SVOP: variants seen among roughly 807,000 people sequenced by gnomAD.
SVOP encodes the protein SV2 related protein.
A neutral mutation model predicts 69.1 loss-of-function variants in SVOP; 17 were observed. That is an observed-to-expected ratio of 0.25 (90% CI 0.17 to 0.37). The LOEUF (loss-of-function observed/expected upper bound fraction) is 0.37, where lower values mean the gene tolerates loss of function less well. Among genes scored for constraint, SVOP ranks in the 10% least tolerant of loss-of-function variants. The pLI, the probability that SVOP is intolerant of heterozygous loss-of-function variation, is 1.00. For missense variants in SVOP, 435 were observed against 597.5 expected (o/e 0.73, Z 2.84); for synonymous variants, 238 against 238.6 (o/e 1.00, Z 0.02).
chr12:108,972,704 C>G (rs1323626060), intron 4 of SVOP, among the ~76,000 whole-genome samples: 1 of 152,200 alleles, frequency 6.6e-6, no homozygotes, highest in Non-Finnish European at 1.5e-5. Flanking sequence ...AACTGAGACT[C>G]AGAGAGAGAG....
At chr12:108,939,498 T>C (rs2039878418) in intron 8 of SVOP, among the ~76,000 whole-genome samples, 1 of 152,212 alleles carries the variant, frequency 6.6e-6, no homozygotes, top group African/African-American at 2.4e-5. Flanking sequence ...AATGACTACA[T>C]ACATACATTT....
chr12:108,983,459 C>T, intron 2 of SVOP, 142 bp downstream of exon 2: 2 of 397,814 alleles, frequency 5.0e-6, no homozygotes, highest in East Asian at 3.6e-5. Context: ...GCTATGTAGG[C>T]TCAGCTCCCA....
At chr12:108,985,773 A>C (rs892743626) in intron 1 of SVOP, among the ~76,000 whole-genome samples, 7 of 152,188 alleles carry the variant, frequency 4.6e-5, no homozygotes, top group African/African-American at 1.7e-4. Flanking sequence ...TGTTTTTAAA[A>C]GGTAAAAAAA....
chr12:109,021,047 G>C lies in SVOP; in HGVS notation c.-179C>G. 1 of 559,838 alleles carries C rather than the reference G, an allele frequency of 1.8e-6. No individual in the cohort carries two copies. Among genetic ancestry groups the C allele is most frequent in the Non-Finnish European group, 3.2e-6 (1 of 313,692 alleles). The allele number at this position is 559,838 out of a possible 1,614,324, so 34.7% of individuals were successfully genotyped here. ...CAGCCCACGAGACAAAGCCTCCGCCGCCAGGAGACCGCGGCGAGAGTGGGC... is the reference window on the plus strand; with the variant it reads ...CAGCCCACGAGACAAAGCCTCCGCCCCCAGGAGACCGCGGCGAGAGTGGGC... On this transcript the variant is annotated 5_prime_UTR_variant, in exon 1 of 16. Coordinates refer to ENST00000610966, the MANE Select transcript of SVOP (RefSeq NM_018711.5).
intron 2 of SVOP, among the ~76,000 whole-genome samples, chr12:108,983,346 TC>T (rs1468568040): frequency 2.0e-5 from 3 of 152,192 alleles, no homozygotes; most frequent in African/African-American, 7.2e-5. Context: ...ACCATCATCA[TC>T]TTTGTCACCA....
intron 7 of SVOP, among the ~76,000 whole-genome samples, chr12:108,942,304 C>T (rs956845220): frequency 2.0e-5 from 3 of 152,190 alleles, no homozygotes; most frequent in Non-Finnish European, 4.4e-5. Context: ...CGGCTATAAA[C>T]GTGGTTGTAC....
chr12:108,951,163 A>C (rs36147876), intron 6 of SVOP, among the ~76,000 whole-genome samples: 520 of 152,302 alleles, frequency 3.4e-3, no homozygotes, highest in Non-Finnish European at 5.6e-3. Flanking sequence ...CAATTTGAAG[A>C]TCATTCTGAG....
At chr12:108,937,191 T>C (rs1161447447) in intron 10 of SVOP, 73 bp downstream of exon 10, 2 of 1,481,366 alleles carry the variant, frequency 1.4e-6, no homozygotes, top group Non-Finnish European at 1.9e-6. Context: ...ATCTGTCCAT[T>C]GCATTAAAAC....
intron 5 of SVOP, 73 bp from the exon 6 acceptor site, chr12:108,961,120 GC>G (rs2040015679): frequency 6.8e-7 from 1 of 1,468,964 alleles, no homozygotes; most frequent in African/African-American, 1.4e-5. Context: ...CTCACTGAGA[GC>G]CGCCGATAAT....
At chr12:108,947,285 C>G (rs990234424) in intron 6 of SVOP, among the ~76,000 whole-genome samples, 11 of 151,948 alleles carry the variant, frequency 7.2e-5, no homozygotes, top group African/African-American at 2.2e-4. Flanking sequence ...GCTCATTGCT[C>G]CTGGGGTGTC....
chr12:108,918,860 G>A (rs2039730421), intron 13 of SVOP, among the ~76,000 whole-genome samples: 1 of 152,102 alleles, frequency 6.6e-6, no homozygotes, highest in Non-Finnish European at 1.5e-5. Flanking sequence ...CAAAACTGGG[G>A]CCAAAGTTCT....
intron 6 of SVOP, among the ~76,000 whole-genome samples, chr12:108,949,508 G>A (rs1253218622): frequency 1.3e-5 from 2 of 151,926 alleles, no homozygotes; most frequent in Non-Finnish European, 2.9e-5. Flanking sequence ...GACCTCAAGT[G>A]ATCCACCCAC....
In SVOP at chr12:108,983,605, A is replaced by G. The variant is rs912853021; in HGVS notation, c.192T>C (p.Thr64=). Reference sequence around the variant, plus strand: ...CCAACTGCAGGGCCCTCTCACCATCAGTGGGATTGGCAAACTCCTTGGGCA... The same window carrying G: ...CCAACTGCAGGGCCCTCTCACCATCGGTGGGATTGGCAAACTCCTTGGGCA... ...AAVPKEFANP[T]DDTFMVEDAV... The change falls in exon 2 of 16, where the codon ACT becomes ACC. Residue 64 remains threonine (T), a synonymous_variant. Transcript: ENST00000610966. 124,048 of 398,524 alleles carry G rather than the reference A, an allele frequency of 0.31. 20,105 individuals are homozygous for G. Among genetic ancestry groups the G allele is most frequent in the African/African-American group, 0.44 (21,433 of 48,648 alleles). 24.7% of individuals were successfully genotyped at this position (398,524 alleles called of 1,614,324 possible).
chr12:108,946,690 TTTATTATTATTATTATTA>T (rs370752888), intron 6 of SVOP, among the ~76,000 whole-genome samples: 5,248 of 136,502 alleles, frequency 0.038, 638 homozygotes, highest in Admixed American at 0.24. Flanking sequence ...GCAACCTGTT[TTTATTATTATTATTATTA>T]TTATTATTAT....
chr12:108,945,172 A>C lies in SVOP; in HGVS notation c.579-6T>G. 1 of 1,537,060 alleles carries C rather than the reference A, an allele frequency of 6.5e-7. No individual in the cohort carries two copies. Among genetic ancestry groups the C allele is most frequent in the Non-Finnish European group, 8.7e-7 (1 of 1,146,836 alleles). The stretch of plus-strand genomic sequence containing the variant: ...ACTCGGCATACAGCGTCACCCTGGG[A>C]ATGTAAAAGGGAAAGAAAGGGAGTT... On this transcript the variant is annotated splice_polypyrimidine_tract_variant and splice_region_variant and intron_variant, in intron 6 of 15. Coordinates refer to ENST00000610966, the MANE Select transcript of SVOP (RefSeq NM_018711.5).
intron 11 of SVOP, among the ~76,000 whole-genome samples, chr12:108,927,521 G>A (rs2039787558): frequency 6.6e-6 from 1 of 151,326 alleles, no homozygotes; most frequent in African/African-American, 2.4e-5. Flanking sequence ...AGCCCACAGG[G>A]CAGAAATATT....
At chr12:108,931,676 T>C (rs1260563602) in intron 11 of SVOP, among the ~76,000 whole-genome samples, 1 of 151,704 alleles carries the variant, frequency 6.6e-6, no homozygotes, top group Admixed American at 6.6e-5. Context: ...TACTAAAAAA[T>C]ACAAAAAATT....
At chr12:108,945,454 A>T (rs1053915393) in intron 6 of SVOP, among the ~76,000 whole-genome samples, 1 of 152,028 alleles carries the variant, frequency 6.6e-6, no homozygotes, top group Non-Finnish European at 1.5e-5. Context: ...CTGAAGTGCA[A>T]TCATAGCTCA....
intron 1 of SVOP, 70 bp downstream of exon 1, chr12:109,020,764 A>ACC: frequency 5.1e-6 from 1 of 194,914 alleles, no homozygotes. Context: ...ACCCCCCCCC[A>ACC]CCCCCCTTGC....
Sources: gnomAD v4.1 joint callset for allele counts (sites outside exome capture counted in the v4.1 genomes callset) on GRCh38, gnomAD v4.1.1 for gene constraint, MANE v1.5 for transcripts, NCBI Gene and HGNC (gene_info 2026-07-23, HGNC 2026-07-21) for gene names.